Variants in COQ5 observed in about 807,000 individuals in gnomAD.
COQ5 encodes coenzyme Q5, methyltransferase, also known as 2-methoxy-6-polyprenyl-1,4-benzoquinol methylase, mitochondrial.
In COQ5, 27 loss-of-function variants were observed where a neutral mutation model predicts 40.5. The ratio of observed to expected loss-of-function variants is 0.67; its 90% CI spans 0.49 to 0.92. COQ5 has a LOEUF of 0.92. Among genes scored for constraint, COQ5 ranks in the 40% least tolerant of loss-of-function variants. The probability of loss-of-function intolerance (pLI) is 0.00; values close to 1 mark genes in which losing one functional copy is unlikely to be tolerated. For missense variants in COQ5, 409 were observed against 406.4 expected (o/e 1.01, Z -0.06); for synonymous variants, 141 against 150.0 (o/e 0.94, Z 0.44).
Position 120,505,445 on chromosome 12 carries a change from T to C in COQ5, c.682-462A>G, listed in dbSNP as rs948054241. ...CTCTGTCGCCCAGACTGGAGTGCAGTGGTGTGATCTCAGCTCACTGCAACC... is the reference window on the plus strand; with the variant it reads ...CTCTGTCGCCCAGACTGGAGTGCAGCGGTGTGATCTCAGCTCACTGCAACC... On this transcript the variant is annotated intron_variant, in intron 4 of 6. Coordinates refer to ENST00000288532, the MANE Select transcript of COQ5 (RefSeq NM_032314.4). 2.0e-5 allele frequency among the ~76,000 whole-genome samples: 3 copies of C among 152,158 alleles called. No individual in the cohort carries two copies. In the East Asian group the frequency reaches 5.8e-4, roughly 29 times the overall value.
chr12:120,528,014 A>G (rs1378668940), intron 1 of COQ5, among the ~76,000 whole-genome samples: 1 of 141,104 alleles, frequency 7.1e-6, no homozygotes, highest in Non-Finnish European at 1.5e-5. Flanking sequence ...AAAAAAAAAA[A>G]AAAAAAAAGA....
chr12:120,524,599 G>A (rs756659110), intron 1 of COQ5, among the ~76,000 whole-genome samples: 4 of 152,012 alleles, frequency 2.6e-5, no homozygotes, highest in South Asian at 2.1e-4. Flanking sequence ...CAGTTTCTCT[G>A]CCCGTAAGAC....
In COQ5 at chr12:120,504,030, G is replaced by A. The variant is rs781696378; in HGVS notation, c.822C>T (p.Ile274=). ...FQVIPVLGEV[I]AGDWKSYQYL... ...ACTGATAGGACTTCCAGTCTCCAGCGATGACCTCTCCCAGGACAGGGATGA... is the reference window on the plus strand; with the variant it reads ...ACTGATAGGACTTCCAGTCTCCAGCAATGACCTCTCCCAGGACAGGGATGA... Residue 274 remains isoleucine, a synonymous_variant, in exon 6 of 7, where the codon ATC becomes ATT. Transcript: ENST00000288532. 5.6e-6 allele frequency: 9 copies of A among 1,613,680 alleles called. No individual in the cohort carries two copies. The highest frequency in any genetic ancestry group is 1.6e-4 in the Middle Eastern group (1 of 6,062).
intron 4 of COQ5, among the ~76,000 whole-genome samples, chr12:120,506,902 C>T (rs976301836): frequency 2.0e-5 from 3 of 151,980 alleles, no homozygotes; most frequent in South Asian, 2.1e-4. Flanking sequence ...GGCACAATCT[C>T]GGCTCACTGC....
chr12:120,516,468 T>G lies in COQ5; in HGVS notation c.574+99A>C, dbSNP rs192345740. On this transcript the variant is annotated intron_variant, in intron 3 of 6. Coordinates refer to ENST00000288532, the MANE Select transcript of COQ5 (RefSeq NM_032314.4). Reference sequence around the variant, plus strand: ...TTCAACCTGCCCATCTATAAGTTTCTGAAAGCCAAAAGATAAAGCATTTCA... The same window carrying G: ...TTCAACCTGCCCATCTATAAGTTTCGGAAAGCCAAAAGATAAAGCATTTCA... 1.7e-5 allele frequency: 19 copies of G among 1,088,428 alleles called. No homozygotes were observed. The East Asian group carries it at 4.5e-4, about 26-fold the overall frequency. 67.4% of individuals were successfully genotyped at this position (1,088,428 alleles called of 1,614,324 possible). A position where few individuals can be genotyped will look rare whatever the true frequency, so the allele number is the denominator to read the frequency against.
intron 5 of COQ5, 184 bp downstream of exon 5, chr12:120,504,711 T>C: frequency 1.6e-6 from 1 of 640,316 alleles, no homozygotes; most frequent in Admixed American, 2.4e-5. Flanking sequence ...AATATACATA[T>C]GTAAGCCAAC....
At chr12:120,513,601 C>T (rs1178124661) in intron 3 of COQ5, among the ~76,000 whole-genome samples, 4 of 149,996 alleles carry the variant, frequency 2.7e-5, no homozygotes, top group Non-Finnish European at 1.5e-5. Context: ...AGTGGTGCGA[C>T]GTCCACCTCC....
rs1292110514 is a variant in COQ5 at position 120,526,438 on chromosome 12, T to C, written c.202+2502A>G. On this transcript the variant is annotated intron_variant, in intron 1 of 6. Transcript: ENST00000288532. ...ACTCTAGACATACAGCCAGAGGAAC[T>C]GCAGGAAGATGAACTTACCAACATG... The C allele has an allele frequency of 8.8e-6, 4 of 455,510 alleles. No individual in the cohort carries two copies. In the Admixed American group the frequency reaches 9.4e-5, roughly 11 times the overall value. The allele number at this position is 455,510 out of a possible 1,614,324, so 28.2% of individuals were successfully genotyped here.
chr12:120,517,338 G>A (rs1320635565), intron 2 of COQ5, among the ~76,000 whole-genome samples: 1 of 148,824 alleles, frequency 6.7e-6, no homozygotes, highest in African/African-American at 2.5e-5. Flanking sequence ...AGTGACAAAA[G>A]CGAAACTCCG....
At chr12:120,503,925 G>C in intron 6 of COQ5, 40 bp from the exon 7 acceptor site, 6 of 1,597,742 alleles carry the variant, frequency 3.8e-6, no homozygotes, top group Non-Finnish European at 4.3e-6. Context: ...GGGTAGCCTG[G>C]ATATCACTGT....
chr12:120,510,702 G>T (rs927913794), intron 3 of COQ5, among the ~76,000 whole-genome samples: 1 of 152,122 alleles, frequency 6.6e-6, no homozygotes, highest in Non-Finnish European at 1.5e-5. Context: ...GTTACTAAAA[G>T]TATTAACTGA....
chr12:120,510,566 G>C (rs908357430), intron 3 of COQ5, among the ~76,000 whole-genome samples: 2 of 152,008 alleles, frequency 1.3e-5, no homozygotes, highest in Non-Finnish European at 2.9e-5. Flanking sequence ...CTCCCGCCTC[G>C]GCCTCCCAAA....
chr12:120,528,831 C>T (rs1593029170), intron 1 of COQ5, 109 bp downstream of exon 1: 2 of 1,048,932 alleles, frequency 1.9e-6, no homozygotes, highest in Non-Finnish European at 3.0e-6. Flanking sequence ...CATAACTGCA[C>T]AGACAACAAC....
chr12:120,509,381 C>CTTAA (rs1482676077), intron 4 of COQ5, among the ~76,000 whole-genome samples: 1 of 152,090 alleles, frequency 6.6e-6, no homozygotes, highest in Non-Finnish European at 1.5e-5. Context: ...CAAAGAAGAG[C>CTTAA]TCCATCAGAT....
intron 1 of COQ5, among the ~76,000 whole-genome samples, chr12:120,524,172 A>G (rs1199914456): frequency 6.6e-6 from 1 of 152,184 alleles, no homozygotes; most frequent in Non-Finnish European, 1.5e-5. Flanking sequence ...AGTCTTCTCC[A>G]TAGGATCAAC....
chr12:120,505,068 G>A, intron 4 of COQ5, 85 bp from the exon 5 acceptor site: 2 of 1,134,054 alleles, frequency 1.8e-6, no homozygotes, highest in Non-Finnish European at 2.7e-6. Flanking sequence ...AGCTTCTGCA[G>A]GCATTAAAAA....
chr12:120,505,731 T>G (rs1365355163), intron 4 of COQ5, among the ~76,000 whole-genome samples: 1 of 152,086 alleles, frequency 6.6e-6, no homozygotes. Flanking sequence ...TAATTTTGTA[T>G]TTTTAGTAGA....
chr12:120,522,724 G>T (rs1657914930), intron 1 of COQ5: 2 of 656,388 alleles, frequency 3.0e-6, no homozygotes, highest in Admixed American at 2.4e-5. Context: ...CTGCAGCCTG[G>T]GCCTTGGTTT....
chr12:120,520,756 C>A (rs144115488), intron 2 of COQ5, among the ~76,000 whole-genome samples: 2,346 of 152,100 alleles, frequency 0.015, 24 homozygotes, highest in South Asian at 0.028. Flanking sequence ...CCACGCCCAG[C>A]CTCTAATGTA....
Sources: gnomAD v4.1 joint callset for allele counts (sites outside exome capture counted in the v4.1 genomes callset) on GRCh38, gnomAD v4.1.1 for gene constraint, MANE v1.5 for transcripts, NCBI Gene and HGNC (gene_info 2026-07-23, HGNC 2026-07-21) for gene names.